The following SLC14A2 variants were observed in gnomAD, a reference collection of about 807,000 sequenced individuals.
The protein encoded by SLC14A2 is solute carrier family 14 member 2.
Under a neutral mutation model 104.6 loss-of-function variants are expected in SLC14A2, and 91 were observed. The observed-to-expected ratio is 0.87, with a 90% CI of 0.73 to 1.04. The LOEUF is 1.04. SLC14A2 is among the 50% of genes least tolerant of loss of function. The pLI is 0.00. For synonymous variants in SLC14A2, 476 were observed against 466.4 expected, an observed-to-expected ratio of 1.02 and a Z score of -0.27; for missense variants, 1,189 against 1,156.0, an observed-to-expected ratio of 1.03 and a Z score of -0.41.
chr18:45,252,289 G>T (rs144536866), intron 1 of SLC14A2, among the ~76,000 whole-genome samples: 1 of 152,142 alleles, frequency 6.6e-6, no homozygotes, highest in Non-Finnish European at 1.5e-5. Flanking sequence ...AGAAAGATGA[G>T]GATGAGATGC....
intron 2 of SLC14A2, among the ~76,000 whole-genome samples, chr18:45,518,189 G>T (rs988697616): frequency 1.3e-5 from 2 of 152,124 alleles, no homozygotes; most frequent in Non-Finnish European, 2.9e-5. Context: ...TTGCTCCAAG[G>T]CCTCTGAAAC....
chr18:45,269,114 G>C (rs188110682), intron 1 of SLC14A2, among the ~76,000 whole-genome samples: 1 of 152,040 alleles, frequency 6.6e-6, no homozygotes, highest in East Asian at 1.9e-4. Flanking sequence ...GCCAAATCAA[G>C]ATAAAACAAT....
At chr18:45,639,120 G>A (rs16978433) in intron 6 of SLC14A2, among the ~76,000 whole-genome samples, 13 of 152,148 alleles carry the variant, frequency 8.5e-5, no homozygotes, top group East Asian at 3.9e-4. Context: ...TGCGGTCTTC[G>A]AGAGCAGGGG....
At chr18:45,660,068 G>T (rs1334173558) in intron 10 of SLC14A2, among the ~76,000 whole-genome samples, 1 of 152,086 alleles carries the variant, frequency 6.6e-6, no homozygotes, top group African/African-American at 2.4e-5. Flanking sequence ...AGGAGTTTTA[G>T]GCTGCAGTGA....
chr18:45,407,242 T>C (rs1411571934), intron 1 of SLC14A2, among the ~76,000 whole-genome samples: 3 of 152,260 alleles, frequency 2.0e-5, no homozygotes, highest in Admixed American at 1.3e-4. Flanking sequence ...CAGCACTTGC[T>C]GCTTTACCTT....
At chr18:45,168,369 G>A in the SLC14A2 span, among the ~76,000 whole-genome samples, 3 of 152,116 alleles carry the variant, frequency 2.0e-5, no homozygotes, top group Admixed American at 1.3e-4. Context: ...CCAGACGTTC[G>A]GTATTTGAAT....
At chr18:45,258,813 C>A (rs2084506282) in intron 1 of SLC14A2, among the ~76,000 whole-genome samples, 1 of 102,906 alleles carries the variant, frequency 9.7e-6, no homozygotes, top group African/African-American at 4.7e-5. Flanking sequence ...CTCCCCTTTC[C>A]AAAGATGACT....
At chr18:45,299,328 T>G (rs2084945403) in intron 1 of SLC14A2, among the ~76,000 whole-genome samples, 1 of 152,256 alleles carries the variant, frequency 6.6e-6, no homozygotes. Flanking sequence ...CATGCCAGGT[T>G]GCCTGTTGTC....
chr18:45,651,551 C>T (rs568691101), intron 10 of SLC14A2, among the ~76,000 whole-genome samples: 1 of 152,320 alleles, frequency 6.6e-6, no homozygotes, highest in African/African-American at 2.4e-5. Context: ...ATGGAAGTTG[C>T]TTGAGAGATA....
At chr18:45,567,505 A>G (rs1475124161) in intron 2 of SLC14A2, among the ~76,000 whole-genome samples, 1 of 152,198 alleles carries the variant, frequency 6.6e-6, no homozygotes, top group Admixed American at 6.5e-5. Context: ...AATACCTAGG[A>G]TATCTTAAAA....
intron 1 of SLC14A2, among the ~76,000 whole-genome samples, chr18:45,361,204 G>A (rs1467349739): frequency 6.6e-6 from 1 of 152,156 alleles, no homozygotes; most frequent in Admixed American, 6.5e-5. Flanking sequence ...TCATGTGTGT[G>A]ATTTTTATCC....
chr18:45,680,198 CCCAGTCATTCAT>C (rs2046291336), intron 19 of SLC14A2, among the ~76,000 whole-genome samples: 1 of 152,210 alleles, frequency 6.6e-6, no homozygotes, highest in African/African-American at 2.4e-5. Context: ...CATCCATTCA[CCCAGTCATTCAT>C]CCACTAAATC....
chr18:45,654,575 A>G (rs1030044006), intron 10 of SLC14A2, among the ~76,000 whole-genome samples: 3 of 152,292 alleles, frequency 2.0e-5, no homozygotes, highest in African/African-American at 2.4e-5. Flanking sequence ...GTTGAACTGC[A>G]TCTGGGGAAG....
chr18:45,185,673 ATTT>A, the SLC14A2 span, among the ~76,000 whole-genome samples: 1 of 152,158 alleles, frequency 6.6e-6, no homozygotes, highest in Non-Finnish European at 1.5e-5. Context: ...AATTCATCAA[ATTT>A]TGAAAGAAAA....
At chr18:45,289,481 CT>C (rs2084848088) in intron 1 of SLC14A2, among the ~76,000 whole-genome samples, 1 of 152,124 alleles carries the variant, frequency 6.6e-6, no homozygotes, top group Non-Finnish European at 1.5e-5. Flanking sequence ...GACAATCCTA[CT>C]TTTTTAAAAG....
At chr18:45,410,259 C>G (rs1400432639) in intron 1 of SLC14A2, among the ~76,000 whole-genome samples, 5 of 152,184 alleles carry the variant, frequency 3.3e-5, no homozygotes, top group Non-Finnish European at 5.9e-5. Context: ...CGGTTTCTAA[C>G]AGGCCACAGA....
chr18:45,178,547 A>G, the SLC14A2 span, among the ~76,000 whole-genome samples: 1 of 152,208 alleles, frequency 6.6e-6, no homozygotes, highest in Non-Finnish European at 1.5e-5. Context: ...AAAAAATAGC[A>G]AAAGAATTAT....
At chr18:45,675,735 G>A (rs1203206028) in intron 18 of SLC14A2, among the ~76,000 whole-genome samples, 1 of 113,416 alleles carries the variant, frequency 8.8e-6, no homozygotes, top group Non-Finnish European at 1.6e-5. Context: ...TTTTTGGAGA[G>A]ACAGGGCTGC....
At chr18:45,576,272 CTTT>C (rs776335445) in intron 2 of SLC14A2, among the ~76,000 whole-genome samples, 110 of 90,674 alleles carry the variant, frequency 1.2e-3, no homozygotes, top group African/African-American at 4.0e-3. Flanking sequence ...GGAGCAGGGG[CTTT>C]TTTTTTTTTT....
Sources: allele counts gnomAD v4.1 joint callset (sites outside exome capture counted in the v4.1 genomes callset), GRCh38; gene constraint gnomAD v4.1.1; transcripts MANE v1.5; gene names NCBI Gene and HGNC (gene_info 2026-07-23, HGNC 2026-07-21).